Variants in HSD17B4 observed in about 807,000 individuals in gnomAD.
The protein encoded by HSD17B4 is peroxisomal multifunctional enzyme type 2.
HSD17B4 carries 70 observed loss-of-function variants against 101.0 expected under a neutral mutation model. The observed-to-expected ratio is 0.69, with a 90% CI of 0.57 to 0.85. HSD17B4 has a LOEUF of 0.85. Among genes scored for constraint, HSD17B4 ranks in the 40% least tolerant of loss-of-function variants. HSD17B4 has a pLI of 0.00. For synonymous variants in HSD17B4, 347 were observed against 297.1 expected (o/e 1.17, Z -1.73); for missense variants, 984 against 892.4 (o/e 1.10, Z -1.31).
intron 14 of HSD17B4, among the ~76,000 whole-genome samples, chr5:119,503,700 C>T (rs1309199591): frequency 4.0e-5 from 6 of 150,686 alleles, no homozygotes; most frequent in Non-Finnish European, 1.5e-5. Context: ...AAAATAACCA[C>T]TAGAAGGAGT....
At chr5:119,474,562 C>T (rs1748394752) in intron 4 of HSD17B4, 102 bp downstream of exon 4, 2 of 780,284 alleles carry the variant, frequency 2.6e-6, no homozygotes, top group Middle Eastern at 3.0e-4. Context: ...CCTCTTTCCT[C>T]ATAATCACAT....
At chr5:119,481,319 C>T (rs748610099) in intron 8 of HSD17B4, among the ~76,000 whole-genome samples, 9 of 152,144 alleles carry the variant, frequency 5.9e-5, no homozygotes, top group East Asian at 3.8e-4. Flanking sequence ...TGGTTTCAGC[C>T]GGTCTCTCTG....
At chr5:119,541,063 T>C (rs1396738736) in intron 23 of HSD17B4, among the ~76,000 whole-genome samples, 1 of 152,234 alleles carries the variant, frequency 6.6e-6, no homozygotes, top group Non-Finnish European at 1.5e-5. Flanking sequence ...TTATGTAAGC[T>C]ATAAAAACTA....
Position 119,523,006 on chromosome 5 carries a change from A to G in HSD17B4, c.1504-2210A>G, listed in dbSNP as rs3797367. Among the ~76,000 whole-genome samples, 4,005 of 152,046 alleles carry G rather than the reference A, an allele frequency of 0.026. 504 individuals carry two copies. The East Asian group carries it at 0.42, about 16-fold the overall frequency. ...TGCAGTAGCTTTCAGAGGGTGCTCA[A>G]AAGTTAGCACTGATAGAAAAGTGGT... On this transcript the variant is annotated intron_variant, in intron 17 of 23. Transcript: ENST00000510025.
intron 2 of HSD17B4, among the ~76,000 whole-genome samples, chr5:119,456,980 T>C (rs1273506691): frequency 6.6e-6 from 1 of 152,222 alleles, no homozygotes; most frequent in East Asian, 1.9e-4. Flanking sequence ...ATCAAAACTT[T>C]TCAGCTGGAA....
chr5:119,471,596 T>C (rs1580538496), intron 2 of HSD17B4: 1 of 844,650 alleles, frequency 1.2e-6, no homozygotes, highest in East Asian at 2.9e-5. Flanking sequence ...ATGTATACCA[T>C]TATGCTATTT....
chr5:119,531,815 CA>C (rs1175896990), intron 22 of HSD17B4, among the ~76,000 whole-genome samples: 1 of 151,846 alleles, frequency 6.6e-6, no homozygotes, highest in Non-Finnish European at 1.5e-5. Flanking sequence ...TTATTCATAC[CA>C]AAACAATAAT....
rs1310891444 is a variant in HSD17B4 at position 119,512,269 on chromosome 5, CAGAG to C, written c.1438-2710_1438-2707del. On this transcript the variant is annotated intron_variant, in intron 16 of 23. Coordinates refer to ENST00000510025, the MANE Select transcript of HSD17B4 (RefSeq NM_000414.4). ...ATTCATATAATGGGTGTATCAGAGA[CAGAG>C]AAAGGAACAGAAAAAAATTTTGAGG... Among the ~76,000 whole-genome samples the C allele has an allele frequency of 6.6e-5, 10 of 152,058 alleles. No homozygotes were observed. The East Asian group carries it at 1.9e-3, about 29-fold the overall frequency.
At chr5:119,501,314 CTT>C (rs764991546) in intron 13 of HSD17B4, among the ~76,000 whole-genome samples, 3 of 142,786 alleles carry the variant, frequency 2.1e-5, no homozygotes, top group Non-Finnish European at 3.1e-5. Flanking sequence ...CTTCTTCTTC[CTT>C]TTTTTTTTTT....
At chr5:119,509,116 A>G (rs778911350) in intron 15 of HSD17B4, 25 bp from the exon 16 acceptor site, 1 of 1,290,554 alleles carries the variant, frequency 7.7e-7, no homozygotes, top group Non-Finnish European at 1.1e-6. Flanking sequence ...AACTTCTTTT[A>G]TTTTTTCTTT....
chr5:119,514,809 G>A (rs1752469296), intron 16 of HSD17B4, among the ~76,000 whole-genome samples, 172 bp from the exon 17 acceptor site: 1 of 152,060 alleles, frequency 6.6e-6, no homozygotes, highest in African/African-American at 2.4e-5. Context: ...GAAGCTAGGA[G>A]TTATGAAATT....
At chr5:119,532,753 A>G (rs1754223857) in intron 22 of HSD17B4, among the ~76,000 whole-genome samples, 1 of 152,122 alleles carries the variant, frequency 6.6e-6, no homozygotes, top group Non-Finnish European at 1.5e-5. Flanking sequence ...GGCATAAGGG[A>G]GATAAAGAAT....
intron 17 of HSD17B4, among the ~76,000 whole-genome samples, chr5:119,522,077 C>T (rs1426121959): frequency 6.6e-6 from 1 of 151,756 alleles, no homozygotes; most frequent in African/African-American, 2.4e-5. Context: ...CTAATGATAT[C>T]CCTCCCTCCT....
chr5:119,484,364 G>C (rs376873204), intron 8 of HSD17B4, among the ~76,000 whole-genome samples: 23 of 152,046 alleles, frequency 1.5e-4, no homozygotes, highest in East Asian at 5.8e-4. Flanking sequence ...CTATTCCATT[G>C]ATCTGTGTGC....
chr5:119,529,875 T>G lies in HSD17B4; in HGVS notation c.1768-19T>G, dbSNP rs542422357. ...CATTGTAATCAGAATAAATCTTTTT[T>G]TTTTCTTCTCCTCCTAAGGTCCAAG... On this transcript the variant is annotated intron_variant, in intron 20 of 23. Coordinates refer to ENST00000510025, the MANE Select transcript of HSD17B4 (RefSeq NM_000414.4). The G allele has an allele frequency of 1.3e-4, 181 of 1,441,606 alleles. 7 individuals carry two copies. The South Asian group carries it at 2.0e-3, about 16-fold the overall frequency. The allele number at this position is 1,441,606 out of a possible 1,614,324, so 89.3% of individuals were successfully genotyped here.
chr5:119,501,960 C>A, intron 13 of HSD17B4, 81 bp from the exon 14 acceptor site: 1 of 820,378 alleles, frequency 1.2e-6, no homozygotes, highest in East Asian at 2.4e-5. Flanking sequence ...GGTAAAATGT[C>A]ACTTGCGAGT....
chr5:119,541,895 C>T lies in HSD17B4; in HGVS notation c.2122-10C>T. Reference sequence around the variant, plus strand: ...ACAGTTGGCACTCTTTTTCCCTCCTCTCCTTGCAGGCATTCTTTAGTGGCA... The same window carrying T: ...ACAGTTGGCACTCTTTTTCCCTCCTTTCCTTGCAGGCATTCTTTAGTGGCA... On this transcript the variant is annotated splice_polypyrimidine_tract_variant and intron_variant, in intron 23 of 23. Transcript: ENST00000510025. The T allele has an allele frequency of 2.5e-6, 4 of 1,573,168 alleles. No individual in the cohort carries two copies. Among genetic ancestry groups the T allele is most frequent in the South Asian group, 1.1e-5 (1 of 90,266 alleles).
At chr5:119,540,327 T>A (rs2126928985) in intron 23 of HSD17B4, among the ~76,000 whole-genome samples, 1 of 149,402 alleles carries the variant, frequency 6.7e-6, no homozygotes, top group African/African-American at 2.6e-5. Flanking sequence ...TTTGCTGTGA[T>A]GTCCGGTGCA....
chr5:119,471,495 C>T, intron 2 of HSD17B4: 1 of 400,360 alleles, frequency 2.5e-6, no homozygotes, highest in East Asian at 3.6e-5. Context: ...CCACTTTCAA[C>T]TCTCACCCCA....
Sources: allele counts gnomAD v4.1 joint callset (sites outside exome capture counted in the v4.1 genomes callset), GRCh38; gene constraint gnomAD v4.1.1; transcripts MANE v1.5; gene names NCBI Gene and HGNC (gene_info 2026-07-23, HGNC 2026-07-21).